Variants in DMXL1 observed in about 807,000 individuals in gnomAD.
The protein encoded by DMXL1 is dmX-like protein 1.
Under a neutral mutation model 319.2 loss-of-function variants are expected in DMXL1, and 99 were observed. The observed-to-expected ratio is 0.31, with a 90% CI of 0.26 to 0.37. The LOEUF is 0.37. Ranked by LOEUF, DMXL1 falls within the 10% of genes least tolerant of loss-of-function variation. The pLI is 1.00. For synonymous variants in DMXL1, 1,385 were observed against 1,235.2 expected, an observed-to-expected ratio of 1.12 and a Z score of -2.54; for missense variants, 3,745 against 3,595.6, an observed-to-expected ratio of 1.04 and a Z score of -1.06.
intron 41 of DMXL1, among the ~76,000 whole-genome samples, chr5:119,239,798 A>G (rs1788422341): frequency 6.6e-6 from 1 of 151,846 alleles, no homozygotes; most frequent in Non-Finnish European, 1.5e-5. Context: ...TCTACTAAAA[A>G]TACAAAAAAT....
chr5:119,114,636 C>G, intron 6 of DMXL1, 95 bp downstream of exon 6: 1 of 846,848 alleles, frequency 1.2e-6, no homozygotes, highest in East Asian at 2.8e-5. Context: ...ATTTATTTAA[C>G]TTGAAAATAA....
In DMXL1 at chr5:119,114,849, TA is replaced by T. The variant is rs547431872; in HGVS notation, c.564+310del. ...ATGCCCGTCTAATTTTTGTATTTTT[TA>T]ATAGAGACGGGATTTCACCATATTG... On this transcript the variant is annotated intron_variant, in intron 6 of 43. Coordinates refer to ENST00000539542, the MANE Select transcript of DMXL1 (RefSeq NM_001290321.3). Among the ~76,000 whole-genome samples, 120 of 152,244 alleles carry T rather than the reference TA, an allele frequency of 7.9e-4. 2 individuals are homozygous for T. In the East Asian group the frequency reaches 0.02, roughly 26 times the overall value.
Position 119,247,078 on chromosome 5 carries a change from T to C in DMXL1, c.9006T>C (p.Thr3002=). ...ARQSIFRNIG[T]GVMQIETGPA... is the part of the protein sequence containing the mutation. ...AGTCCATTTTTAGAAATATTGGAAC[T>C]GGAGTGATGCAAATTGAGACAGGGC... The change falls in exon 44 of 44, where the codon ACT becomes ACC. Residue 3002 remains threonine (T), a synonymous_variant. Coordinates refer to ENST00000539542, the MANE Select transcript of DMXL1 (RefSeq NM_001290321.3). The C allele has an allele frequency of 6.2e-7, 1 of 1,614,172 alleles. No individual in the cohort carries two copies. The highest frequency in any genetic ancestry group is 8.5e-7 in the Non-Finnish European group (1 of 1,179,998).
chr5:119,140,799 C>T (rs974033873), intron 13 of DMXL1, among the ~76,000 whole-genome samples: 3 of 152,032 alleles, frequency 2.0e-5, no homozygotes, highest in Non-Finnish European at 4.4e-5. Flanking sequence ...CAGACACACA[C>T]ACACAAAAAG....
In DMXL1 at chr5:119,118,894, G is replaced by A; in HGVS notation, c.823G>A (p.Asp275Asn). The change falls in exon 8 of 44, where the codon GAT becomes AAT. Residue 275 changes from aspartate to asparagine, a missense_variant. Physicochemically the swap from Asp to Asn is conservative, Grantham distance 23. Transcript: ENST00000539542. ...TTGGGTAGAGACATTTTTACCAAAT[G>A]ATTGTTTGCTATACGGAGGTGACTG... is the stretch of plus-strand genomic sequence containing the variant. Reference protein sequence around the residue: ...RLWVETFLPNDCLLYGGDCSH... With the variant: ...RLWVETFLPNNCLLYGGDCSH... 6.2e-7 allele frequency: 1 copy of A among 1,613,950 alleles called. No individual in the cohort carries two copies. Among genetic ancestry groups the A allele is most frequent in the Non-Finnish European group, 8.5e-7 (1 of 1,179,906 alleles).
At chr5:119,243,213 G>T (rs1581519989) in intron 42 of DMXL1, among the ~76,000 whole-genome samples, 1 of 152,138 alleles carries the variant, frequency 6.6e-6, no homozygotes, top group East Asian at 1.9e-4. Flanking sequence ...ATCTCAAAGT[G>T]CTGGTCAAAG....
At chr5:119,078,653 T>C (rs374752779) in intron 1 of DMXL1, among the ~76,000 whole-genome samples, 1 of 152,142 alleles carries the variant, frequency 6.6e-6, no homozygotes, top group African/African-American at 2.4e-5. Flanking sequence ...GGTCCCACTA[T>C]GTTGCCCAGG....
intron 6 of DMXL1, among the ~76,000 whole-genome samples, chr5:119,115,120 C>A (rs958504796): frequency 6.6e-6 from 1 of 152,098 alleles, no homozygotes; most frequent in Non-Finnish European, 1.5e-5. Context: ...TCTTATTGAG[C>A]CTTTCTTTTC....
intron 19 of DMXL1, among the ~76,000 whole-genome samples, chr5:119,158,410 G>C (rs1186987810): frequency 2.0e-5 from 3 of 152,108 alleles, no homozygotes; most frequent in Admixed American, 2.0e-4. Flanking sequence ...ATGTAAGATT[G>C]TGTTGTTAGC....
At chr5:119,224,163 A>G (rs992197605) in intron 37 of DMXL1, among the ~76,000 whole-genome samples, 2 of 152,084 alleles carry the variant, frequency 1.3e-5, no homozygotes, top group Non-Finnish European at 2.9e-5. Context: ...CCTACCTGAG[A>G]CTGATGCTAC....
Position 119,244,168 on chromosome 5 carries a change from C to A in DMXL1, c.8705-191C>A, listed in dbSNP as rs544245146. 2.6e-5 allele frequency among the ~76,000 whole-genome samples: 4 copies of A among 152,284 alleles called. No homozygotes were observed. In the East Asian group the frequency reaches 7.7e-4, roughly 29 times the overall value. On this transcript the variant is annotated intron_variant, in intron 42 of 43. Coordinates refer to ENST00000539542, the MANE Select transcript of DMXL1 (RefSeq NM_001290321.3). Reference sequence around the variant, plus strand: ...TTTATGACTCACCCAGTTTGTTTCCCATCTCTCAGAGATCATTCTTCATTA... The same window carrying A: ...TTTATGACTCACCCAGTTTGTTTCCAATCTCTCAGAGATCATTCTTCATTA...
At chr5:119,175,139 C>A in intron 25 of DMXL1, 122 bp from the exon 26 acceptor site, 1 of 574,870 alleles carries the variant, frequency 1.7e-6, no homozygotes, top group Non-Finnish European at 2.9e-6. Flanking sequence ...GGAAATAGTT[C>A]ATGAAGGCAA....
chr5:119,188,200 A>G (rs999325476), intron 28 of DMXL1, among the ~76,000 whole-genome samples: 1 of 152,208 alleles, frequency 6.6e-6, no homozygotes. Flanking sequence ...GCAAAAATCT[A>G]TTAATTTAAC....
intron 3 of DMXL1, among the ~76,000 whole-genome samples, chr5:119,103,055 A>G (rs1455243646): frequency 1.3e-5 from 2 of 152,058 alleles, no homozygotes; most frequent in African/African-American, 2.4e-5. Context: ...AAATCTTCAC[A>G]GGTACTCCCA....
chr5:119,090,229 C>G (rs912043816), intron 1 of DMXL1, among the ~76,000 whole-genome samples: 1 of 151,270 alleles, frequency 6.6e-6, no homozygotes, highest in African/African-American at 2.4e-5. Context: ...CCATGTTGGC[C>G]AGGCTAGTCT....
chr5:119,137,724 C>T (rs1364267599), intron 13 of DMXL1, among the ~76,000 whole-genome samples: 23 of 152,200 alleles, frequency 1.5e-4, no homozygotes, highest in Non-Finnish European at 1.5e-4. Flanking sequence ...GCTTGCTTCT[C>T]CTTCATCTTC....
chr5:119,214,250 CCTT>C (rs548106461), intron 34 of DMXL1, among the ~76,000 whole-genome samples: 36 of 152,254 alleles, frequency 2.4e-4, no homozygotes, highest in African/African-American at 7.7e-4. Flanking sequence ...CTTTTTCTTT[CCTT>C]CTTTTATTCA....
rs752369706 is a variant in DMXL1, at chr5:119,144,592, C to G, written c.2523C>G (p.Asn841Lys). 10 of 1,600,078 alleles carry G rather than the reference C, an allele frequency of 6.2e-6. No individual in the cohort carries two copies. In the South Asian group the frequency reaches 1.0e-4, roughly 16 times the overall value. Residue 841 changes from asparagine (N) to lysine (K), a missense_variant, in exon 15 of 44, where the codon AAC becomes AAG. Around this residue, in one of 4 missense-constraint regions of DMXL1, gnomAD observed 2,096 missense variants for 1,985.4 expected, o/e 1.06. Coordinates refer to ENST00000539542, the MANE Select transcript of DMXL1 (RefSeq NM_001290321.3). Reference protein sequence around the residue: ...HVFEEDFILNNLEKKSLGKDS... With the variant: ...HVFEEDFILNKLEKKSLGKDS... ...TTGAAGAAGACTTCATTTTGAATAA[C>G]CTTGAGAAGAAAAGCCTTGGCAAAG...
Position 119,220,986 on chromosome 5 carries a change from G to A in DMXL1, c.8182G>A (p.Val2728Ile). ...VIHARDDLTA[V>I]QGTTPYTHSN... is the part of the protein sequence containing the mutation. ...ACATGCTCGTGATGATTTAACAGCT[G>A]TTCAAGGTACAACTCCATATACACA... The change falls in exon 37 of 44, where the codon GTT (valine) becomes ATT (isoleucine). Residue 2728 changes from valine (V) to isoleucine (I), a missense_variant. Transcript: ENST00000539542. 1 of 1,613,766 alleles carries A rather than the reference G, an allele frequency of 6.2e-7. No homozygotes were observed. Among genetic ancestry groups the A allele is most frequent in the African/African-American group, 1.3e-5 (1 of 75,052 alleles).
Sources: allele counts gnomAD v4.1 joint callset (sites outside exome capture counted in the v4.1 genomes callset), GRCh38; gene constraint gnomAD v4.1.1; regional missense constraint gnomAD v4.1.1; transcripts MANE v1.5; gene names NCBI Gene and HGNC (gene_info 2026-07-23, HGNC 2026-07-21).